The following LDHA variants were observed in gnomAD, a reference collection of about 807,000 sequenced individuals.
LDHA encodes the protein L-lactate dehydrogenase A chain.
A neutral mutation model predicts 36.3 loss-of-function variants in LDHA; 10 were observed. The ratio of observed to expected loss-of-function variants is 0.28; its 90% CI spans 0.17 to 0.47. The LOEUF (loss-of-function observed/expected upper bound fraction) is 0.47, where lower values mean the gene tolerates loss of function less well. Ranked by LOEUF, LDHA falls within the 20% of genes least tolerant of loss-of-function variation. The pLI is 0.99. For missense variants in LDHA, 267 were observed against 405.8 expected, an observed-to-expected ratio of 0.66 and a Z score of 2.94; for synonymous variants, 110 against 136.7, an observed-to-expected ratio of 0.80 and a Z score of 1.36.
intron 4 of LDHA, among the ~76,000 whole-genome samples, chr11:18,402,306 A>G (rs1408254432): frequency 6.6e-6 from 1 of 151,780 alleles, no homozygotes; most frequent in African/African-American, 2.4e-5. Flanking sequence ...AACTGTTACT[A>G]TACTTTTTTT....
chr11:18,397,129 T>TA (rs1391478800), intron 2 of LDHA, 161 bp downstream of exon 2: 40 of 654,484 alleles, frequency 6.1e-5, no homozygotes, highest in Non-Finnish European at 1.1e-5. Context: ...AATATGATAA[T>TA]ACACCAAAAG....
At chr11:18,395,846 G>A (rs1228004437) in intron 1 of LDHA, among the ~76,000 whole-genome samples, 1 of 152,262 alleles carries the variant, frequency 6.6e-6, no homozygotes, top group African/African-American at 2.4e-5. Flanking sequence ...TCCCTGTACT[G>A]AAACTATTTC....
At position 18,407,090 on chromosome 11, in the gene LDHA, A is replaced by AT. The variant is rs35006409; in HGVS notation, c.835-15dup. 0.12 allele frequency: 167,366 copies of AT among 1,443,642 alleles called. 3,610 individuals carry two copies. The highest frequency in any genetic ancestry group is 0.15 in the Admixed American group (7,629 of 52,044). 89.4% of individuals were successfully genotyped at this position (1,443,642 alleles called of 1,614,324 possible). Reference sequence around the variant, plus strand: ...TGGGAATGCATAGACAAAATGTGAGATTTTTTTTTTTTCATTTCATCTTCA... The same window carrying AT: ...TGGGAATGCATAGACAAAATGTGAGATTTTTTTTTTTTTCATTTCATCTTCA... On this transcript the variant is annotated intron_variant, in intron 7 of 7. Transcript: ENST00000422447.
At position 18,407,244 on chromosome 11, in the gene LDHA, A is replaced by G. The variant is rs200908475; in HGVS notation, c.962A>G (p.Asp321Gly). 6.2e-7 allele frequency: 1 copy of G among 1,613,992 alleles called. No homozygotes were observed. The highest frequency in any genetic ancestry group is 8.5e-7 in the Non-Finnish European group (1 of 1,179,898). ...GAGGCCCGTTTGAAGAAGAGTGCAG[A>G]TACACTTTGGGGGATCCAAAAGGAG... is the stretch of plus-strand genomic sequence containing the variant. ...EEEARLKKSA[D>G]TLWGIQKELQ... Residue 321 changes from aspartate to glycine, a missense_variant, in exon 8 of 8, where the codon GAT becomes GGT. Asp to Gly is a moderately conservative substitution (Grantham distance 94). Coordinates refer to ENST00000422447, the MANE Select transcript of LDHA (RefSeq NM_005566.4).
intron 6 of LDHA, among the ~76,000 whole-genome samples, chr11:18,405,066 A>C (rs905343342): frequency 5.3e-5 from 8 of 152,076 alleles, no homozygotes; most frequent in African/African-American, 1.9e-4. Context: ...GATAATCCTG[A>C]GTTAAGGATG....
intron 5 of LDHA, 98 bp from the exon 6 acceptor site, chr11:18,403,596 G>GTAT: frequency 1.2e-6 from 1 of 845,750 alleles, no homozygotes. Context: ...CCAAAATTGA[G>GTAT]TATTCTTCCT....
intron 3 of LDHA, chr11:18,400,550 C>T (rs1429486653): frequency 1.5e-5 from 6 of 404,854 alleles, no homozygotes; most frequent in East Asian, 5.9e-5. Flanking sequence ...AGAGTGTGAA[C>T]GTTGAGCTTG....
chr11:18,400,598 G>A (rs1866450769), intron 3 of LDHA: 1 of 570,774 alleles, frequency 1.8e-6, no homozygotes, highest in Admixed American at 2.6e-5. Flanking sequence ...AAATTAATAG[G>A]AGAATCAAAT....
At chr11:18,405,428 C>T (rs752788996) in intron 6 of LDHA, 21 bp from the exon 7 acceptor site, 8 of 1,611,916 alleles carry the variant, frequency 5.0e-6, no homozygotes, top group Non-Finnish European at 6.8e-6. Context: ...CTGCCTTTAC[C>T]TATGGTTTCC....
At chr11:18,396,596 CT>C in intron 1 of LDHA, 2 of 1,380,260 alleles carry the variant, frequency 1.4e-6, no homozygotes, top group Non-Finnish European at 1.9e-6. Context: ...GTCGATATTC[CT>C]TTTCCACGCT....
chr11:18,407,297 TATC>T lies in LDHA; in HGVS notation c.*19_*21del. 1 of 1,612,790 alleles carries T rather than the reference TATC, an allele frequency of 6.2e-7. No homozygotes were observed. Among genetic ancestry groups the T allele is most frequent in the Admixed American group, 1.7e-5 (1 of 59,994 alleles). On this transcript the variant is annotated 3_prime_UTR_variant, in exon 8 of 8. Transcript: ENST00000422447. ...GCAATTTTAAAGTCTTCTGATGTCA[TATC>T]ATTTCACTGTCTAGGCTACAACAGG...
chr11:18,400,735 G>C, intron 3 of LDHA, 102 bp from the exon 4 acceptor site: 2 of 820,516 alleles, frequency 2.4e-6, no homozygotes, highest in East Asian at 2.5e-5. Flanking sequence ...AAAACTCTAA[G>C]AACAAGAAAG....
At chr11:18,399,241 G>T in intron 2 of LDHA, 190 bp from the exon 3 acceptor site, 1 of 571,294 alleles carries the variant, frequency 1.8e-6, no homozygotes. Context: ...GAGAGGGTCA[G>T]TGCTATCTAT....
chr11:18,402,352 G>A (rs1288081740), intron 4 of LDHA, among the ~76,000 whole-genome samples: 1 of 152,044 alleles, frequency 6.6e-6, no homozygotes, highest in African/African-American at 2.4e-5. Context: ...CCAAGCTGGA[G>A]GGCAATGGGA....
chr11:18,407,481 A>C lies in LDHA; in HGVS notation c.*200A>C. On this transcript the variant is annotated 3_prime_UTR_variant, in exon 8 of 8. Coordinates refer to ENST00000422447, the MANE Select transcript of LDHA (RefSeq NM_005566.4). ...CTATATCCTGATGCTGGATGGTATT[A>C]ATCTTGTGTAGTCTTCAACTGGTTA... The C allele has an allele frequency of 5.5e-6, 6 of 1,090,678 alleles. No individual in the cohort carries two copies. The highest frequency in any genetic ancestry group is 8.2e-6 in the Non-Finnish European group (6 of 733,690). 67.6% of individuals were successfully genotyped at this position (1,090,678 alleles called of 1,614,324 possible).
In LDHA at chr11:18,399,536, G is replaced by C; in HGVS notation, c.232G>C (p.Val78Leu). The change falls in exon 3 of 8, where the codon GTC becomes CTC. Residue 78 changes from valine to leucine, a missense_variant. By Grantham distance (32) the Val-to-Leu change is conservative. Transcript: ENST00000422447. ...CCTTTTCCTTAGAACACCAAAGATT[G>C]TCTCTGGCAAAGGTTGATTTCAACA... ...GSLFLRTPKI[V>L]SGKDYNVTAN... 2 of 1,597,840 alleles carry C rather than the reference G, an allele frequency of 1.3e-6. No homozygotes were observed. The highest frequency in any genetic ancestry group is 2.7e-5 in the African/African-American group (2 of 74,728).
intron 3 of LDHA, chr11:18,400,350 A>G (rs771270949): frequency 1.2e-5 from 3 of 251,866 alleles, no homozygotes; most frequent in Non-Finnish European, 2.3e-5. Flanking sequence ...CTCTTGTGCC[A>G]TAGGGTATCT....
chr11:18,399,704 AC>A, intron 3 of LDHA, 156 bp downstream of exon 3: 1 of 677,176 alleles, frequency 1.5e-6, no homozygotes, highest in Non-Finnish European at 2.7e-6. Flanking sequence ...CCACTTCATT[AC>A]CCCCTCCCCC....
intron 7 of LDHA, 28 bp downstream of exon 7, chr11:18,405,600 T>G (rs1279064845): frequency 6.2e-7 from 1 of 1,611,636 alleles, no homozygotes; most frequent in Non-Finnish European, 8.5e-7. Context: ...TACGCTGCAT[T>G]TGAATGCTTT....
Sources: gnomAD v4.1 joint callset for allele counts (sites outside exome capture counted in the v4.1 genomes callset) on GRCh38, gnomAD v4.1.1 for gene constraint, MANE v1.5 for transcripts, NCBI Gene and HGNC (gene_info 2026-07-23, HGNC 2026-07-21) for gene names.